The following ADAMTS9 variants were observed in gnomAD, a reference collection of about 807,000 sequenced individuals.
The protein encoded by ADAMTS9 is ADAM metallopeptidase with thrombospondin type 1 motif 9.
In ADAMTS9, 107 loss-of-function variants were observed where a neutral mutation model predicts 257.1. That is an observed-to-expected ratio of 0.42 (90% CI 0.36 to 0.49). ADAMTS9 has a LOEUF of 0.49. Among genes scored for constraint, ADAMTS9 ranks in the 20% least tolerant of loss-of-function variants. ADAMTS9 has a pLI of 0.03. For synonymous variants in ADAMTS9, 982 were observed against 880.9 expected, an observed-to-expected ratio of 1.11 and a Z score of -2.03; for missense variants, 2,353 against 2,469.1, an observed-to-expected ratio of 0.95 and a Z score of 1.00.
intron 22 of ADAMTS9, among the ~76,000 whole-genome samples, chr3:64,610,812 T>C (rs779962381): frequency 6.6e-6 from 1 of 152,046 alleles, no homozygotes; most frequent in Non-Finnish European, 1.5e-5. Context: ...CACGGTGTCT[T>C]AGGCCTGTAA....
At chr3:64,677,377 G>A (rs1239603280) in intron 3 of ADAMTS9, among the ~76,000 whole-genome samples, 3 of 152,134 alleles carry the variant, frequency 2.0e-5, no homozygotes. Context: ...GAGACAATCA[G>A]GAAGGGCAGC....
intron 3 of ADAMTS9, among the ~76,000 whole-genome samples, chr3:64,671,343 A>C (rs1040673041): frequency 6.6e-6 from 1 of 152,216 alleles, no homozygotes; most frequent in African/African-American, 2.4e-5. Context: ...AAAGGACACC[A>C]AAAACTGTTC....
intron 32 of ADAMTS9, 34 bp from the exon 33 acceptor site, chr3:64,542,004 T>C (rs760128757): frequency 6.2e-7 from 1 of 1,613,310 alleles, no homozygotes; most frequent in Non-Finnish European, 8.5e-7. Flanking sequence ...GGTGTGGCTA[T>C]GGAATGTGGG....
In ADAMTS9 at chr3:64,522,150, A is replaced by T; in HGVS notation, c.*5+16T>A. On this transcript the variant is annotated intron_variant, in intron 39 of 39. Coordinates refer to ENST00000498707, the MANE Select transcript of ADAMTS9 (RefSeq NM_182920.2). ...AAAAGACAAATACACAGACAGACAGACATAGGACTACTTACCTTAGCTATA... is the reference window on the plus strand; with the variant it reads ...AAAAGACAAATACACAGACAGACAGTCATAGGACTACTTACCTTAGCTATA... The T allele has an allele frequency of 6.2e-7, 1 of 1,606,832 alleles. No individual in the cohort carries two copies. Among genetic ancestry groups the T allele is most frequent in the Non-Finnish European group, 8.5e-7 (1 of 1,173,518 alleles).
chr3:64,555,237 C>G (rs986747233), intron 30 of ADAMTS9, among the ~76,000 whole-genome samples: 1 of 152,152 alleles, frequency 6.6e-6, no homozygotes, highest in Non-Finnish European at 1.5e-5. Context: ...AAAAGCAGTC[C>G]TTACTTTAAA....
intron 28 of ADAMTS9, among the ~76,000 whole-genome samples, chr3:64,578,181 A>G (rs1028163853): frequency 2.6e-5 from 4 of 152,112 alleles, no homozygotes; most frequent in African/African-American, 9.7e-5. Flanking sequence ...TCATCCTCCA[A>G]TTTAGCATTG....
chr3:64,556,010 G>C (rs566029259), intron 30 of ADAMTS9, among the ~76,000 whole-genome samples: 6 of 152,112 alleles, frequency 3.9e-5, no homozygotes, highest in Non-Finnish European at 7.3e-5. Flanking sequence ...ATCAAAACCT[G>C]GTCATTCCCT....
At chr3:64,683,202 G>A (rs1486453669) in intron 2 of ADAMTS9, among the ~76,000 whole-genome samples, 1 of 152,172 alleles carries the variant, frequency 6.6e-6, no homozygotes, top group Non-Finnish European at 1.5e-5. Context: ...ATGAGTCCTG[G>A]GAAAGAGCCA....
At chr3:64,671,036 T>C (rs1213788424) in intron 3 of ADAMTS9, among the ~76,000 whole-genome samples, 1 of 152,234 alleles carries the variant, frequency 6.6e-6, no homozygotes, top group Non-Finnish European at 1.5e-5. Context: ...ATCTTATGCC[T>C]AGGTATTTAT....
At chr3:64,612,147 G>A (rs1270664876) in intron 22 of ADAMTS9, among the ~76,000 whole-genome samples, 4 of 151,692 alleles carry the variant, frequency 2.6e-5, no homozygotes, top group Admixed American at 6.6e-5. Flanking sequence ...GAATATTTAC[G>A]ACCCTTAAAT....
intron 28 of ADAMTS9, chr3:64,568,981 G>A (rs7624464): frequency 1.3e-5 from 2 of 157,434 alleles, no homozygotes; most frequent in South Asian, 1.8e-4. Flanking sequence ...TAAAACTCTT[G>A]AACCATTTTC....
chr3:64,638,614 C>T (rs1418851176), intron 12 of ADAMTS9, among the ~76,000 whole-genome samples: 1 of 152,074 alleles, frequency 6.6e-6, no homozygotes, highest in Non-Finnish European at 1.5e-5. Flanking sequence ...AAAAATAAAG[C>T]ACTTAAAGAC....
At chr3:64,559,572 C>T (rs1028254078) in intron 30 of ADAMTS9, among the ~76,000 whole-genome samples, 3 of 152,166 alleles carry the variant, frequency 2.0e-5, no homozygotes, top group Non-Finnish European at 4.4e-5. Flanking sequence ...TAAATAGAGG[C>T]CCAGGCCAGG....
At position 64,687,741 on chromosome 3, in the gene ADAMTS9, C is replaced by G; in HGVS notation, c.-84G>C. 2 of 1,124,676 alleles carry G rather than the reference C, an allele frequency of 1.8e-6. No individual in the cohort carries two copies. The highest frequency in any genetic ancestry group is 2.4e-6 in the Non-Finnish European group (2 of 831,202). 69.7% of individuals were successfully genotyped at this position (1,124,676 alleles called of 1,614,324 possible). A position where few individuals can be genotyped will look rare whatever the true frequency, so the allele number is the denominator to read the frequency against. On this transcript the variant is annotated 5_prime_UTR_variant, in exon 1 of 40. Transcript: ENST00000498707. The surrounding 1 kb of genome is among the most constrained non-coding windows in gnomAD (Gnocchi z 4.4). ...TGCGGCGGCGACGCGAGGCAGCGGC[C>G]GTGGAGAGCGCGCGGAGCCCGGCGC...
At chr3:64,551,778 C>T (rs889926075) in intron 30 of ADAMTS9, among the ~76,000 whole-genome samples, 1 of 152,186 alleles carries the variant, frequency 6.6e-6, no homozygotes, top group Non-Finnish European at 1.5e-5. Context: ...TGGAACCAAA[C>T]AAATCTCTTT....
chr3:64,532,265 A>G (rs78683170), intron 38 of ADAMTS9, among the ~76,000 whole-genome samples: 2,533 of 152,352 alleles, frequency 0.017, 62 homozygotes, highest in African/African-American at 0.056. Context: ...AGCCTAGGCT[A>G]GCCTACCTTA....
chr3:64,660,829 C>T (rs761718692), intron 3 of ADAMTS9, among the ~76,000 whole-genome samples: 6 of 152,064 alleles, frequency 3.9e-5, no homozygotes, highest in South Asian at 2.1e-4. Flanking sequence ...GAAAAAAAAA[C>T]GTTGCATGCT....
At chr3:64,557,603 A>T (rs2083356928) in intron 30 of ADAMTS9, among the ~76,000 whole-genome samples, 2 of 152,234 alleles carry the variant, frequency 1.3e-5, no homozygotes, top group Admixed American at 1.3e-4. Flanking sequence ...CCTCCATCGG[A>T]AGGCCACCGT....
chr3:64,644,872 G>A (rs758164677), intron 11 of ADAMTS9, among the ~76,000 whole-genome samples: 33 of 152,162 alleles, frequency 2.2e-4, no homozygotes, highest in Non-Finnish European at 2.5e-4. Context: ...TTATCAGAGC[G>A]CTACCATCTA....
Sources: gnomAD v4.1 joint callset for allele counts (sites outside exome capture counted in the v4.1 genomes callset) on GRCh38, gnomAD v4.1.1 for gene constraint, Gnocchi (gnomAD v3.1) non-coding constraint, MANE v1.5 for transcripts, NCBI Gene and HGNC (gene_info 2026-07-23, HGNC 2026-07-21) for gene names.